Variants in DSCAM observed in about 807,000 individuals in gnomAD.
DSCAM encodes cell adhesion molecule DSCAM.
DSCAM carries 47 observed loss-of-function variants against 217.7 expected under a neutral mutation model. The observed-to-expected ratio is 0.22, with a 90% CI of 0.17 to 0.28. DSCAM has a LOEUF of 0.28. DSCAM is among the 10% of genes least tolerant of loss of function. The pLI is 1.00. For missense variants in DSCAM, 2,080 were observed against 2,618.3 expected (o/e 0.79, Z 4.49); for synonymous variants, 1,056 against 1,015.3 (o/e 1.04, Z -0.76).
chr21:40,583,716 T>C (rs1194855386), intron 3 of DSCAM, among the ~76,000 whole-genome samples: 2 of 152,118 alleles, frequency 1.3e-5, no homozygotes, highest in East Asian at 3.9e-4. Flanking sequence ...AACCTTAATA[T>C]ACACTATGTC....
At chr21:40,629,119 GA>G (rs1014084921) in intron 3 of DSCAM, among the ~76,000 whole-genome samples, 1 of 128,608 alleles carries the variant, frequency 7.8e-6, no homozygotes, top group Non-Finnish European at 1.7e-5. Flanking sequence ...GTGTGTGTGT[GA>G]TATTACTTAC....
intron 3 of DSCAM, among the ~76,000 whole-genome samples, chr21:40,387,190 C>T (rs1320224098): frequency 6.6e-6 from 1 of 152,048 alleles, no homozygotes; most frequent in South Asian, 2.1e-4. Flanking sequence ...GGGGTGAATA[C>T]CTAACAGCAA....
intron 3 of DSCAM, among the ~76,000 whole-genome samples, chr21:40,484,243 T>A (rs900730213): frequency 5.3e-5 from 8 of 152,232 alleles, no homozygotes; most frequent in African/African-American, 9.6e-5. Flanking sequence ...AAGGTGGAAG[T>A]GGGCAGAAAT....
intron 3 of DSCAM, among the ~76,000 whole-genome samples, chr21:40,370,627 GTT>G (rs11292031): frequency 6.8e-6 from 1 of 146,382 alleles, no homozygotes. Flanking sequence ...ATGGTTTATG[GTT>G]TTTTTTTTTG....
intron 3 of DSCAM, among the ~76,000 whole-genome samples, chr21:40,595,472 A>C (rs2146251410): frequency 6.6e-6 from 1 of 152,332 alleles, no homozygotes; most frequent in Non-Finnish European, 1.5e-5. Flanking sequence ...TGCTAGGGAA[A>C]GGCACATACT....
intron 1 of DSCAM, among the ~76,000 whole-genome samples, chr21:40,836,773 ACT>A (rs1413550036): frequency 1.5e-4 from 23 of 152,236 alleles, no homozygotes; most frequent in African/African-American, 5.5e-4. Context: ...ACAGAATCAG[ACT>A]CTCTGGTATC....
chr21:40,044,709 G>A (rs534084521), intron 30 of DSCAM, among the ~76,000 whole-genome samples: 3 of 152,258 alleles, frequency 2.0e-5, no homozygotes, highest in South Asian at 4.1e-4. Flanking sequence ...GAGGTACTTT[G>A]GTTACGATGT....
At chr21:40,745,600 C>T (rs188033152) in intron 1 of DSCAM, among the ~76,000 whole-genome samples, 1 of 152,144 alleles carries the variant, frequency 6.6e-6, no homozygotes, top group Admixed American at 6.5e-5. Flanking sequence ...CTTTCCCAGA[C>T]AAGGAAAAGC....
At chr21:40,364,032 G>A (rs528033248) in intron 4 of DSCAM, among the ~76,000 whole-genome samples, 1 of 152,244 alleles carries the variant, frequency 6.6e-6, no homozygotes, top group South Asian at 2.1e-4. Context: ...GAAACAACAG[G>A]TGCTGGAGAG....
At chr21:40,561,638 G>T (rs1403217909) in intron 3 of DSCAM, among the ~76,000 whole-genome samples, 1 of 152,166 alleles carries the variant, frequency 6.6e-6, no homozygotes, top group Non-Finnish European at 1.5e-5. Flanking sequence ...GTTTGTGAAG[G>T]TTTTTGAAAA....
At chr21:40,703,893 A>ATT (rs540291695) in intron 2 of DSCAM, among the ~76,000 whole-genome samples, 3,061 of 151,372 alleles carry the variant, frequency 0.02, 47 homozygotes, top group African/African-American at 0.031. Flanking sequence ...ATAAAGCTTG[A>ATT]TTTTTTTTTA....
At chr21:40,465,078 T>C (rs1343157013) in intron 3 of DSCAM, among the ~76,000 whole-genome samples, 1 of 152,180 alleles carries the variant, frequency 6.6e-6, no homozygotes, top group African/African-American at 2.4e-5. Context: ...ATTGTTTTCG[T>C]CTGTTTAAAA....
intron 1 of DSCAM, among the ~76,000 whole-genome samples, chr21:40,767,821 G>A (rs1202245634): frequency 2.6e-5 from 4 of 152,090 alleles, no homozygotes; most frequent in South Asian, 2.1e-4. Context: ...GGTAGAACCC[G>A]CAGTAGTTTA....
chr21:40,456,636 A>C (rs2075765840), intron 3 of DSCAM, among the ~76,000 whole-genome samples: 1 of 152,012 alleles, frequency 6.6e-6, no homozygotes, highest in African/African-American at 2.4e-5. Context: ...TCTGAAAATT[A>C]TTGTGAAGTG....
intron 3 of DSCAM, among the ~76,000 whole-genome samples, chr21:40,677,984 A>G (rs572696791): frequency 4.4e-4 from 19 of 43,346 alleles, no homozygotes; most frequent in Middle Eastern, 0.01. Context: ...ATTTATATAT[A>G]ATACTTTTTT....
intron 6 of DSCAM, among the ~76,000 whole-genome samples, chr21:40,341,452 G>A (rs67587749): frequency 0.085 from 12,903 of 152,058 alleles, 656 homozygotes; most frequent in East Asian, 0.2. Flanking sequence ...TCTTTTTGTA[G>A]GTAAATTTTA....
rs74501893 is a variant in DSCAM, at chr21:40,454,840, C to T, written c.509-85595G>A. On this transcript the variant is annotated intron_variant, in intron 3 of 32. Transcript: ENST00000400454. ...ACCTCTCCTTTCGAGTGTGTGGCAC[C>T]ATAAAATAGTAGGAGAGGCAGGGCC... Among the ~76,000 whole-genome samples the T allele has an allele frequency of 6.5e-3, 996 of 152,240 alleles. 16 individuals are homozygous for T. Among genetic ancestry groups the T allele is most frequent in the African/African-American group, 0.023 (952 of 41,536 alleles).
At chr21:40,777,142 A>C (rs1209168669) in intron 1 of DSCAM, among the ~76,000 whole-genome samples, 1 of 152,180 alleles carries the variant, frequency 6.6e-6, no homozygotes, top group Non-Finnish European at 1.5e-5. Flanking sequence ...CATTGCTCAT[A>C]GTTGGCGCCT....
chr21:40,486,324 C>T (rs2076028062), intron 3 of DSCAM, among the ~76,000 whole-genome samples: 1 of 152,166 alleles, frequency 6.6e-6, no homozygotes, highest in Non-Finnish European at 1.5e-5. Flanking sequence ...GGTCCTTCCC[C>T]TCTTGACTGT....
Sources: gnomAD v4.1 joint callset for allele counts (sites outside exome capture counted in the v4.1 genomes callset) on GRCh38, gnomAD v4.1.1 for gene constraint, MANE v1.5 for transcripts, NCBI Gene and HGNC (gene_info 2026-07-23, HGNC 2026-07-21) for gene names.